Variants in SGCD observed in about 807,000 individuals in gnomAD.
The protein encoded by SGCD is delta-sarcoglycan.
In SGCD, 18 loss-of-function variants were observed where a neutral mutation model predicts 36.6. That is an observed-to-expected ratio of 0.49 (90% confidence interval 0.34 to 0.73). SGCD has a LOEUF of 0.73. Among genes scored for constraint, SGCD ranks in the 30% least tolerant of loss-of-function variants. The probability of loss-of-function intolerance (pLI) is 0.01; values close to 1 mark genes in which losing one functional copy is unlikely to be tolerated. For missense variants in SGCD, 387 were observed against 346.7 expected (o/e 1.12, Z -0.92); for synonymous variants, 133 against 130.6 (o/e 1.02, Z -0.12).
intron 1 of SGCD, among the ~76,000 whole-genome samples, chr5:155,938,780 T>A (rs963523708): frequency 6.6e-6 from 1 of 152,220 alleles, no homozygotes; most frequent in African/African-American, 2.4e-5. Context: ...CATTTAATCC[T>A]ACCAGTATAC....
chr5:156,613,358 A>G (rs1314892540), intron 6 of SGCD, among the ~76,000 whole-genome samples: 1 of 152,256 alleles, frequency 6.6e-6, no homozygotes. Context: ...GAGTATTCAT[A>G]TATCAGGTAT....
chr5:156,074,242 G>T (rs556947221), intron 1 of SGCD, among the ~76,000 whole-genome samples: 79 of 152,318 alleles, frequency 5.2e-4, no homozygotes, highest in Admixed American at 1.5e-3. Context: ...AGAAGGTTCT[G>T]TGGTATGGAT....
At chr5:156,622,212 T>C (rs983602518) in intron 6 of SGCD, among the ~76,000 whole-genome samples, 1 of 152,046 alleles carries the variant, frequency 6.6e-6, no homozygotes, top group African/African-American at 2.4e-5. Context: ...GCAGGTGGAT[T>C]ACCTGAGGTC....
the SGCD span, among the ~76,000 whole-genome samples, chr5:155,822,884 C>T: frequency 1.3e-5 from 2 of 151,794 alleles, no homozygotes; most frequent in Non-Finnish European, 2.9e-5. Flanking sequence ...GTTTTCCTCA[C>T]TGAGGTCCTG....
At chr5:156,602,025 T>C (rs1378416702) in intron 6 of SGCD, among the ~76,000 whole-genome samples, 1 of 152,188 alleles carries the variant, frequency 6.6e-6, no homozygotes, top group Non-Finnish European at 1.5e-5. Context: ...ATCGGTAGAA[T>C]GTTTTGGGTA....
At chr5:155,919,214 TATAGAC>T (rs751100957) in intron 1 of SGCD, among the ~76,000 whole-genome samples, 144 of 152,362 alleles carry the variant, frequency 9.5e-4, no homozygotes, top group Admixed American at 1.5e-3. Context: ...CTTTTCTTCT[TATAGAC>T]AAAGATATGC....
chr5:156,432,979 G>A (rs879423437), intron 3 of SGCD, among the ~76,000 whole-genome samples: 2 of 152,142 alleles, frequency 1.3e-5, no homozygotes, highest in Non-Finnish European at 2.9e-5. Flanking sequence ...TGTATCTGCA[G>A]CACTTCCTGC....
At chr5:156,640,031 G>A (rs772199401) in intron 6 of SGCD, among the ~76,000 whole-genome samples, 1 of 151,982 alleles carries the variant, frequency 6.6e-6, no homozygotes, top group Admixed American at 6.6e-5. Flanking sequence ...CACTTCCCCA[G>A]CAAAGCCTTC....
intron 1 of SGCD, among the ~76,000 whole-genome samples, chr5:156,090,101 T>C (rs370619799): frequency 2.6e-5 from 4 of 152,174 alleles, no homozygotes; most frequent in African/African-American, 7.2e-5. Context: ...TGGCTTTTTG[T>C]GAGTCATCTT....
chr5:156,604,297 C>T (rs1160966753), intron 6 of SGCD, among the ~76,000 whole-genome samples: 1 of 151,818 alleles, frequency 6.6e-6, no homozygotes, highest in Non-Finnish European at 1.5e-5. Flanking sequence ...TGAGGTGAGT[C>T]TCTTGTAGGC....
intron 3 of SGCD, among the ~76,000 whole-genome samples, chr5:156,210,053 C>G (rs891392343): frequency 1.3e-5 from 2 of 152,192 alleles, no homozygotes; most frequent in Non-Finnish European, 2.9e-5. Context: ...TGGATACAGG[C>G]TGCAGGCCTG....
chr5:155,775,326 T>A, the SGCD span, among the ~76,000 whole-genome samples: 1 of 152,270 alleles, frequency 6.6e-6, no homozygotes, highest in Non-Finnish European at 1.5e-5. Context: ...ATCAGTCTAT[T>A]TCATAGAGCA....
At chr5:156,693,586 G>C (rs1754196209) in intron 7 of SGCD, among the ~76,000 whole-genome samples, 1 of 152,064 alleles carries the variant, frequency 6.6e-6, no homozygotes, top group African/African-American at 2.4e-5. Context: ...TAAAATGTTG[G>C]GGACATCAAT....
At chr5:156,071,642 T>G (rs1254390647) in intron 1 of SGCD, among the ~76,000 whole-genome samples, 1 of 152,194 alleles carries the variant, frequency 6.6e-6, no homozygotes, top group Non-Finnish European at 1.5e-5. Flanking sequence ...ACATGTCTAT[T>G]AGGTCCGCTT....
chr5:156,009,638 A>G (rs1414823498), intron 1 of SGCD, among the ~76,000 whole-genome samples: 2 of 152,234 alleles, frequency 1.3e-5, no homozygotes, highest in Non-Finnish European at 2.9e-5. Context: ...AGAAACAATC[A>G]GGTTATGGCT....
intron 5 of SGCD, among the ~76,000 whole-genome samples, chr5:156,590,374 C>G (rs72801156): frequency 2.0e-5 from 3 of 152,096 alleles, no homozygotes; most frequent in Non-Finnish European, 4.4e-5. Flanking sequence ...ATCTGCCAAT[C>G]AAGAAACTCA....
At chr5:156,558,212 C>A (rs1244787540) in intron 4 of SGCD, among the ~76,000 whole-genome samples, 1 of 150,128 alleles carries the variant, frequency 6.7e-6, no homozygotes, top group African/African-American at 2.5e-5. Context: ...CCCATTCCAC[C>A]ACTTACTAGC....
chr5:156,367,889 T>G (rs1050099947), intron 3 of SGCD, among the ~76,000 whole-genome samples: 3 of 152,236 alleles, frequency 2.0e-5, no homozygotes, highest in Admixed American at 6.5e-5. Context: ...CTATTTGAGC[T>G]AGGTTTGACC....
chr5:156,686,088 G>A lies in SGCD; in HGVS notation c.575+38552G>A, dbSNP rs1413817268. On this transcript the variant is annotated intron_variant, in intron 7 of 8. Transcript: ENST00000337851. ...ACTCTTCCATGAATTACTAAGAATA[G>A]CAGCTACTATGTATTGAACAATGTG... Among the ~76,000 whole-genome samples the A allele has an allele frequency of 2.6e-5, 4 of 152,146 alleles. No homozygotes were observed. The East Asian group carries it at 5.8e-4, about 22-fold the overall frequency.
Sources: allele counts gnomAD v4.1 joint callset (sites outside exome capture counted in the v4.1 genomes callset), GRCh38; gene constraint gnomAD v4.1.1; transcripts MANE v1.5; gene names NCBI Gene and HGNC (gene_info 2026-07-23, HGNC 2026-07-21).